SLC45A4: variants seen among roughly 807,000 people sequenced by gnomAD.
SLC45A4 encodes polyamine-transporter SLC45A4.
In SLC45A4, 32 loss-of-function variants were observed where a neutral mutation model predicts 63.7. The ratio of observed to expected loss-of-function variants is 0.50; its 90% CI spans 0.38 to 0.67. SLC45A4 has a LOEUF of 0.67. Ranked by LOEUF, SLC45A4 falls within the 30% of genes least tolerant of loss-of-function variation. SLC45A4 has a pLI of 0.00. For missense variants in SLC45A4, 1,027 were observed against 1,157.7 expected, an observed-to-expected ratio of 0.89 and a Z score of 1.64; for synonymous variants, 535 against 510.0, an observed-to-expected ratio of 1.05 and a Z score of -0.66.
In SLC45A4 at chr8:141,229,172, T is replaced by C. The variant is rs1432148156; in HGVS notation, c.242-7407A>G. Among the ~76,000 whole-genome samples the C allele has an allele frequency of 2.6e-5, 4 of 152,098 alleles. No homozygotes were observed. The highest frequency in any genetic ancestry group is 5.9e-5 in the Non-Finnish European group (4 of 68,004). On this transcript the variant is annotated intron_variant, in intron 2 of 8. Transcript: ENST00000517878. This position sits in a 1 kb window ranked among gnomAD's most constrained non-coding sequence, Gnocchi z 5.0. Reference sequence around the variant, plus strand: ...TCTCAGGAGCAGAGTTTTGTGAGCATAGCAGGCTTCCAACTGACCCCTGGT... The same window carrying C: ...TCTCAGGAGCAGAGTTTTGTGAGCACAGCAGGCTTCCAACTGACCCCTGGT...
At chr8:141,253,755 T>C (rs957207951) in intron 2 of SLC45A4, among the ~76,000 whole-genome samples, 1 of 152,122 alleles carries the variant, frequency 6.6e-6, no homozygotes, top group Non-Finnish European at 1.5e-5. Flanking sequence ...GAGCTACCAC[T>C]TTGCCAAAAC....
Position 141,217,978 on chromosome 8 carries a change from AGAGCGGCCCCGCTCCGGT to A in SLC45A4, c.1629+15_1629+32del, listed in dbSNP as rs3842198. On this transcript the variant is annotated intron_variant, in intron 5 of 8. Transcript: ENST00000517878. ...CTCCGTGAGCCGCAGGTGGGCAGAG[AGAGCGGCCCCGCTCCGGT>A]GGCCGAGCACTCACCTTGGGGTCGC... The A allele has an allele frequency of 0.61, 954,554 of 1,568,962 alleles. 292,554 individuals are homozygous for A. Among genetic ancestry groups the A allele is most frequent in the East Asian group, 0.83 (35,573 of 43,000 alleles).
intron 1 of SLC45A4, among the ~76,000 whole-genome samples, chr8:141,295,012 G>T (rs1466561929): frequency 6.6e-6 from 1 of 152,368 alleles, no homozygotes; most frequent in Admixed American, 6.5e-5. Flanking sequence ...GTTCTCCGGG[G>T]ACAGTCCTCC....
chr8:141,232,038 C>A (rs1307865453), intron 2 of SLC45A4, among the ~76,000 whole-genome samples: 2 of 152,260 alleles, frequency 1.3e-5, no homozygotes. Flanking sequence ...TGGGGCCAGG[C>A]CCCACACGCC....
At chr8:141,255,066 A>G (rs1828707229) in intron 1 of SLC45A4, among the ~76,000 whole-genome samples, 1 of 152,180 alleles carries the variant, frequency 6.6e-6, no homozygotes, top group African/African-American at 2.4e-5. Context: ...TAGGCAAAAG[A>G]GAATCAAAAG....
chr8:141,269,800 T>C (rs975060090), intron 1 of SLC45A4, among the ~76,000 whole-genome samples: 6 of 152,166 alleles, frequency 3.9e-5, no homozygotes, highest in African/African-American at 9.7e-5. Flanking sequence ...TGCATGTGTA[T>C]GTGTTGTGTT....
At chr8:141,242,115 A>G (rs1827947777) in intron 2 of SLC45A4, among the ~76,000 whole-genome samples, 1 of 152,368 alleles carries the variant, frequency 6.6e-6, no homozygotes. Context: ...TGTGGCCATC[A>G]TTATACGCAC....
intron 1 of SLC45A4, among the ~76,000 whole-genome samples, chr8:141,300,950 C>T (rs968954440): frequency 1.3e-5 from 2 of 152,220 alleles, no homozygotes; most frequent in African/African-American, 2.4e-5. Context: ...ACCAAGTGTG[C>T]GAACACAGCA....
At chr8:141,242,480 C>T (rs1010708032) in intron 2 of SLC45A4, among the ~76,000 whole-genome samples, 3 of 152,144 alleles carry the variant, frequency 2.0e-5, no homozygotes, top group African/African-American at 7.2e-5. Context: ...ATTAGAAACG[C>T]GGGCTCCAGT....
At chr8:141,238,355 G>GCGCACAGCTCAGGGGCGGTA (rs1569558490) in intron 2 of SLC45A4, among the ~76,000 whole-genome samples, 6 of 151,792 alleles carry the variant, frequency 4.0e-5, no homozygotes, top group Admixed American at 2.0e-4. Flanking sequence ...TAATCCCTGT[G>GCGCACAGCTCAGGGGCGGTA]AGCGCACAGC....
At chr8:141,263,594 C>T (rs1175973177) in intron 1 of SLC45A4, among the ~76,000 whole-genome samples, 3 of 149,444 alleles carry the variant, frequency 2.0e-5, no homozygotes, top group Admixed American at 6.6e-5. Context: ...GAAACCCCAT[C>T]TCTACTTAAA....
chr8:141,287,941 C>T (rs1277933175), intron 1 of SLC45A4, among the ~76,000 whole-genome samples: 1 of 152,218 alleles, frequency 6.6e-6, no homozygotes, highest in Non-Finnish European at 1.5e-5. Flanking sequence ...TGCGCCCAGC[C>T]ACCGAGGGGG....
chr8:141,302,993 CTTTT>C (rs55974270), intron 1 of SLC45A4, among the ~76,000 whole-genome samples: 43 of 97,238 alleles, frequency 4.4e-4, no homozygotes, highest in Admixed American at 7.5e-4. Context: ...CTTACAATGT[CTTTT>C]TTTTTTTTTT....
At chr8:141,272,878 A>C (rs148533661) in intron 1 of SLC45A4, among the ~76,000 whole-genome samples, 88 of 152,340 alleles carry the variant, frequency 5.8e-4, no homozygotes, top group African/African-American at 2.1e-3. Context: ...ATGACGGTAA[A>C]TACTCCTCAA....
chr8:141,294,099 A>G (rs1259859840), intron 1 of SLC45A4, among the ~76,000 whole-genome samples: 2 of 152,180 alleles, frequency 1.3e-5, no homozygotes, highest in Non-Finnish European at 2.9e-5. Context: ...GCTGCAGACC[A>G]GGAGGACCTG....
chr8:141,269,990 G>T (rs756488937), intron 1 of SLC45A4, among the ~76,000 whole-genome samples: 1 of 151,924 alleles, frequency 6.6e-6, no homozygotes, highest in African/African-American at 2.4e-5. Flanking sequence ...CATATGGGGC[G>T]GCCTGGCCCA....
chr8:141,215,830 T>C lies in SLC45A4; in HGVS notation c.1870A>G (p.Met624Val), dbSNP rs774010666. Residue 624 changes from methionine to valine, a missense_variant, in exon 7 of 9, where the codon ATG becomes GTG. Met to Val is a conservative substitution (Grantham distance 21, BLOSUM62 1). Coordinates refer to ENST00000517878, the MANE Select transcript of SLC45A4 (RefSeq NM_001286646.2). This position sits in a 1 kb window ranked among gnomAD's most constrained non-coding sequence, Gnocchi z 4.3. The stretch of plus-strand genomic sequence containing the variant: ...GAGATGCTCATGGAGACGATGCCCA[T>C]GGTGCTGATGGTGACCATGGCGACG... ...VYVAMVTIST[M>V]GIVSMSISYC... 9.9e-6 allele frequency: 16 copies of C among 1,614,000 alleles called. No homozygotes were observed. The highest frequency in any genetic ancestry group is 1.4e-5 in the Non-Finnish European group (16 of 1,180,024).
chr8:141,254,868 A>G lies in SLC45A4; in HGVS notation c.-400-239T>C, dbSNP rs910108835. On this transcript the variant is annotated intron_variant, in intron 1 of 8. Coordinates refer to ENST00000517878, the MANE Select transcript of SLC45A4 (RefSeq NM_001286646.2). This position sits in a 1 kb window ranked among gnomAD's most constrained non-coding sequence, Gnocchi z 4.5. ...AGGACAAAGGTGGGGCAATCAAGGA[A>G]AGCAGGATCAAAGAACAGACAGAGA... The G allele has an allele frequency of 2.4e-6, 1 of 419,122 alleles. No homozygotes were observed. Among genetic ancestry groups the G allele is most frequent in the Non-Finnish European group, 4.6e-6 (1 of 217,456 alleles). 26.0% of individuals were successfully genotyped at this position (419,122 alleles called of 1,614,324 possible). A position where few individuals can be genotyped will look rare whatever the true frequency, so the allele number is the denominator to read the frequency against.
rs139634832 is a variant in SLC45A4, at chr8:141,302,675, C to T, written c.-401+5421G>A. On this transcript the variant is annotated intron_variant, in intron 1 of 8. Coordinates refer to ENST00000517878, the MANE Select transcript of SLC45A4 (RefSeq NM_001286646.2). ...CACATAAGCAAAAATGTTTTCAGGCCTTTGCTTGACAGCAATGTAACTCTA... is the reference window on the plus strand; with the variant it reads ...CACATAAGCAAAAATGTTTTCAGGCTTTTGCTTGACAGCAATGTAACTCTA... 4.6e-5 allele frequency among the ~76,000 whole-genome samples: 7 copies of T among 152,314 alleles called. No individual in the cohort carries two copies. The East Asian group carries it at 1.3e-3, about 29-fold the overall frequency.
Sources: gnomAD v4.1 joint callset for allele counts (sites outside exome capture counted in the v4.1 genomes callset) on GRCh38, gnomAD v4.1.1 for gene constraint, Gnocchi (gnomAD v3.1) non-coding constraint, MANE v1.5 for transcripts, NCBI Gene and HGNC (gene_info 2026-07-23, HGNC 2026-07-21) for gene names.